Variants in IKZF4 observed in about 807,000 individuals in gnomAD.
The protein encoded by IKZF4 is zinc finger protein Eos.
A neutral mutation model predicts 47.7 loss-of-function variants in IKZF4; 11 were observed. The ratio of observed to expected loss-of-function variants is 0.23; its 90% CI spans 0.15 to 0.38. The LOEUF is 0.38. Ranked by LOEUF, IKZF4 falls within the 10% of genes least tolerant of loss-of-function variation. The pLI is 1.00. For missense variants in IKZF4, 557 were observed against 784.9 expected, an observed-to-expected ratio of 0.71 and a Z score of 3.47; for synonymous variants, 298 against 299.4, an observed-to-expected ratio of 1.00 and a Z score of 0.05.
At chr12:56,033,424 TG>T in intron 7 of IKZF4, 103 bp downstream of exon 7, 1 of 1,471,112 alleles carries the variant, frequency 6.8e-7, no homozygotes, top group Non-Finnish European at 9.4e-7. Context: ...AGCAGTCTGG[TG>T]GGCTGGGTGC....
Position 56,036,045 on chromosome 12 carries a change from A to G in IKZF4, c.*714A>G, listed in dbSNP as rs1895609305. ...AGTAATAGGTCATATTCCCCTAGTA[A>G]TATGAGTTCTCAAAGCCTACATTCA... On this transcript the variant is annotated 3_prime_UTR_variant, in exon 8 of 8. Transcript: ENST00000547167. The G allele has an allele frequency of 6.6e-6, 1 of 152,598 alleles. No homozygotes were observed. Among genetic ancestry groups the G allele is most frequent in the Non-Finnish European group, 1.5e-5 (1 of 68,040 alleles). The allele number at this position is 152,598 out of a possible 1,614,324, so 9.5% of individuals were successfully genotyped here. A position where few individuals can be genotyped will look rare whatever the true frequency, so the allele number is the denominator to read the frequency against.
At position 56,035,486 on chromosome 12, in the gene IKZF4, T is replaced by G; in HGVS notation, c.*155T>G. ...CCCTGACCCCTCCTCACCTATTCTC[T>G]TCCTCTATCCTGACCGATGTAAGCA... is the stretch of plus-strand genomic sequence containing the variant. On this transcript the variant is annotated 3_prime_UTR_variant, in exon 8 of 8. Coordinates refer to ENST00000547167, the MANE Select transcript of IKZF4 (RefSeq NM_022465.4). The surrounding 1 kb of genome is among the most constrained non-coding windows in gnomAD (Gnocchi z 6.1). The G allele has an allele frequency of 1.5e-6, 1 of 685,756 alleles. No homozygotes were observed. The highest frequency in any genetic ancestry group is 2.5e-6 in the Non-Finnish European group (1 of 402,470). 42.5% of individuals were successfully genotyped at this position (685,756 alleles called of 1,614,324 possible). A position where few individuals can be genotyped will look rare whatever the true frequency, so the allele number is the denominator to read the frequency against.
At chr12:56,034,492 TA>T in intron 7 of IKZF4, 78 bp from the exon 8 acceptor site, 1 of 1,430,870 alleles carries the variant, frequency 7.0e-7, no homozygotes, top group Non-Finnish European at 9.4e-7. Context: ...GCCCCACAGG[TA>T]AAAAAACAAA....
intron 5 of IKZF4, among the ~76,000 whole-genome samples, chr12:56,028,430 G>T (rs890364806): frequency 6.6e-5 from 10 of 150,916 alleles, no homozygotes; most frequent in African/African-American, 2.4e-4. Context: ...CTACTTGGGA[G>T]GCTGAGGCTG....
Position 56,035,382 on chromosome 12 carries a change from C to T in IKZF4, c.*51C>T. 2 of 1,549,224 alleles carry T rather than the reference C, an allele frequency of 1.3e-6. No individual in the cohort carries two copies. The highest frequency in any genetic ancestry group is 1.7e-6 in the Non-Finnish European group (2 of 1,142,962). ...ACCACTCCACTGCCCTGACTACAGGCATTGATCCCTGTCCCCACCATTTCC... is the reference window on the plus strand; with the variant it reads ...ACCACTCCACTGCCCTGACTACAGGTATTGATCCCTGTCCCCACCATTTCC... On this transcript the variant is annotated 3_prime_UTR_variant, in exon 8 of 8. Coordinates refer to ENST00000547167, the MANE Select transcript of IKZF4 (RefSeq NM_022465.4). This position sits in a 1 kb window ranked among gnomAD's most constrained non-coding sequence, Gnocchi z 6.1.
intron 5 of IKZF4, among the ~76,000 whole-genome samples, chr12:56,030,187 G>A (rs1894682135): frequency 6.6e-6 from 1 of 152,124 alleles, no homozygotes; most frequent in Non-Finnish European, 1.5e-5. Context: ...AAGCCAAGGC[G>A]GGTGGATCGC....
At chr12:56,009,550 G>A (rs547776151) in intron 1 of IKZF4, among the ~76,000 whole-genome samples, 28 of 152,296 alleles carry the variant, frequency 1.8e-4, no homozygotes, top group African/African-American at 6.5e-4. Context: ...AGTCAGATGA[G>A]TAGCTCCTGA....
intron 2 of IKZF4, among the ~76,000 whole-genome samples, chr12:56,014,684 C>T (rs1473718578): frequency 6.6e-6 from 1 of 152,048 alleles, no homozygotes; most frequent in Non-Finnish European, 1.5e-5. Flanking sequence ...GTAGTCCTGG[C>T]TACTCAGAAG....
chr12:56,020,990 C>G (rs1055323903), upstream of IKZF4: 6 of 1,041,224 alleles, frequency 5.8e-6, no homozygotes, highest in South Asian at 3.7e-5. Flanking sequence ...TAGGGCCCCC[C>G]CTTTCTCCCT....
chr12:56,035,370 C>G lies in IKZF4; in HGVS notation c.*39C>G. The stretch of plus-strand genomic sequence containing the variant: ...TCTCCTCAGTCCACCACTCCACTGC[C>G]CTGACTACAGGCATTGATCCCTGTC... On this transcript the variant is annotated 3_prime_UTR_variant, in exon 8 of 8. Coordinates refer to ENST00000547167, the MANE Select transcript of IKZF4 (RefSeq NM_022465.4). The surrounding 1 kb of genome is among the most constrained non-coding windows in gnomAD (Gnocchi z 6.1). 1 of 1,572,876 alleles carries G rather than the reference C, an allele frequency of 6.4e-7. No homozygotes were observed.
At chr12:56,021,688 CTGTG>C (rs67296911) in intron 1 of IKZF4, 108 bp downstream of exon 1, 18,633 of 651,996 alleles carry the variant, frequency 0.029, 6 homozygotes, top group Middle Eastern at 0.037. Flanking sequence ...AGGATGGGGG[CTGTG>C]TGTGTGTGTG....
At chr12:56,028,478 A>G (rs1307903554) in intron 5 of IKZF4, among the ~76,000 whole-genome samples, 2 of 136,208 alleles carry the variant, frequency 1.5e-5, no homozygotes, top group African/African-American at 5.5e-5. Context: ...GCTTGCAGTG[A>G]GCTGAGATCG....
In IKZF4 at chr12:56,034,980, G is replaced by A. The variant is rs2136726914; in HGVS notation, c.1407G>A (p.Gly469=). The stretch of plus-strand genomic sequence containing the variant: ...GCAACCACGAAGATCGGGTTGCGGG[G>A]GTGGTATCCCTCCCTCAGGGTCCCC... ...TESNHEDRVA[G]VVSLPQGPPP... The change falls in exon 8 of 8, where the codon GGG becomes GGA. Residue 469 remains glycine (G), a synonymous_variant. Coordinates refer to ENST00000547167, the MANE Select transcript of IKZF4 (RefSeq NM_022465.4). The A allele has an allele frequency of 1.9e-6, 3 of 1,560,870 alleles. No individual in the cohort carries two copies. Among genetic ancestry groups the A allele is most frequent in the East Asian group, 2.3e-5 (1 of 44,340 alleles).
intron 2 of IKZF4, among the ~76,000 whole-genome samples, chr12:56,012,318 A>G (rs761855622): frequency 7.5e-6 from 1 of 133,214 alleles, no homozygotes; most frequent in Non-Finnish European, 1.6e-5. Context: ...CTTGTTGCCC[A>G]GTCTGGAGTG....
chr12:56,035,457 C>G lies in IKZF4; in HGVS notation c.*126C>G, dbSNP rs1217789018. 4 of 867,862 alleles carry G rather than the reference C, an allele frequency of 4.6e-6. No individual in the cohort carries two copies. In the East Asian group the frequency reaches 9.7e-5, roughly 21 times the overall value. 53.8% of individuals were successfully genotyped at this position (867,862 alleles called of 1,614,324 possible). ...CACTACTGGCCACCTGACCTCACAC[C>G]TGACCCTGACCCCTCCTCACCTATT... On this transcript the variant is annotated 3_prime_UTR_variant, in exon 8 of 8. Transcript: ENST00000547167. The surrounding 1 kb of genome is among the most constrained non-coding windows in gnomAD (Gnocchi z 6.1).
chr12:56,032,889 C>T (rs1022444906), intron 6 of IKZF4, among the ~76,000 whole-genome samples, 179 bp downstream of exon 6: 2 of 152,180 alleles, frequency 1.3e-5, no homozygotes, highest in Admixed American at 1.3e-4. Flanking sequence ...AGAGCCTTGT[C>T]TGTGGTGGGT....
rs1892971130 is a variant in IKZF4 at position 56,021,551 on chromosome 12, C to T, written c.58C>T (p.Pro20Ser). The T allele has an allele frequency of 6.2e-7, 1 of 1,608,396 alleles. No homozygotes were observed. Among genetic ancestry groups the T allele is most frequent in the Non-Finnish European group, 8.5e-7 (1 of 1,177,980 alleles). Residue 20 changes from proline to serine, a missense_variant, in exon 1 of 8, where the codon CCA becomes TCA. By Grantham distance (74) the Pro-to-Ser change is moderately conservative. Transcript: ENST00000547167. ...RFQGGGRVRTPGSHRQGKDNL... is the reference protein window; with the variant it reads ...RFQGGGRVRTSGSHRQGKDNL... ...CCAAGGCGGCGGCCGCGTTCGCACCCCAGGGTCTCACCGGCAAGGGAAGGA... is the reference window on the plus strand; with the variant it reads ...CCAAGGCGGCGGCCGCGTTCGCACCTCAGGGTCTCACCGGCAAGGGAAGGA...
chr12:56,021,347 C>A lies in IKZF4; in HGVS notation c.-147C>A. 1 of 1,541,058 alleles carries A rather than the reference C, an allele frequency of 6.5e-7. No individual in the cohort carries two copies. Among genetic ancestry groups the A allele is most frequent in the Non-Finnish European group, 8.7e-7 (1 of 1,146,366 alleles). On this transcript the variant is annotated 5_prime_UTR_variant, in exon 1 of 8. Coordinates refer to ENST00000547167, the MANE Select transcript of IKZF4 (RefSeq NM_022465.4). ...CACACATACACCCTGGGCTGAGCTG[C>A]TCTTGCTGGCTGCAGCCGTGGGCCT...
chr12:56,023,390 G>A (rs1893397858), intron 1 of IKZF4, among the ~76,000 whole-genome samples: 2 of 152,182 alleles, frequency 1.3e-5, no homozygotes, highest in South Asian at 2.1e-4. Context: ...ATTTAAAACT[G>A]GCTCTGAGTC....
Sources: allele counts gnomAD v4.1 joint callset (sites outside exome capture counted in the v4.1 genomes callset), GRCh38; gene constraint gnomAD v4.1.1; non-coding constraint Gnocchi (gnomAD v3.1); transcripts MANE v1.5; gene names NCBI Gene and HGNC (gene_info 2026-07-23, HGNC 2026-07-21).